Variants in FILIP1 observed in about 807,000 individuals in gnomAD.
FILIP1 encodes the protein filamin A interacting protein 1, also known as filamin-A-interacting protein 1.
FILIP1 carries 61 observed loss-of-function variants against 102.1 expected under a neutral mutation model. The ratio of observed to expected loss-of-function variants is 0.60; its 90% CI spans 0.49 to 0.74. The LOEUF (loss-of-function observed/expected upper bound fraction) is 0.74. Among genes scored for constraint, FILIP1 ranks in the 30% least tolerant of loss-of-function variants. The probability of loss-of-function intolerance (pLI) is 0.00; values close to 1 mark genes in which losing one functional copy is unlikely to be tolerated. For missense variants in FILIP1, 1,314 were observed against 1,441.2 expected (o/e 0.91, Z 1.43); for synonymous variants, 491 against 526.9 (o/e 0.93, Z 0.93).
Position 75,463,888 on chromosome 6 carries a change from G to A in FILIP1, c.-7+29526C>T, listed in dbSNP as rs13220673. On this transcript the variant is annotated intron_variant, in intron 1 of 5. Coordinates refer to ENST00000237172, the MANE Select transcript of FILIP1 (RefSeq NM_015687.5). ...TCTAGTTGAATTGTTCATATTAGGA[G>A]TTAATAGGGGTTAAAAGGAAGGTAG... 5.3e-3 allele frequency among the ~76,000 whole-genome samples: 803 copies of A among 152,258 alleles called. 2 individuals carry two copies. Among genetic ancestry groups the A allele is most frequent in the Middle Eastern group, 0.01 (3 of 294 alleles).
chr6:75,314,180 C>A lies in FILIP1; in HGVS notation c.1652G>T (p.Ser551Ile). The change falls in exon 5 of 6, where the codon AGT (serine) becomes ATT (isoleucine). Residue 551 changes from serine (S) to isoleucine (I), a missense_variant. By Grantham distance (142) the Ser-to-Ile change is moderately radical (BLOSUM62 -2). This residue lies in a region of FILIP1 where 816 missense variants were observed against 913.1 expected (regional missense o/e 0.89). Coordinates refer to ENST00000237172, the MANE Select transcript of FILIP1 (RefSeq NM_015687.5). ...MDVTEKLIEE[S>I]KKLLKLKSEM... is the part of the protein sequence containing the mutation. Reference sequence around the variant, plus strand: ...AGATTTTAGTTTTAAAAGTTTCTTACTTTCTTCAATTAGTTTTTCAGTTAC... The same window carrying A: ...AGATTTTAGTTTTAAAAGTTTCTTAATTTCTTCAATTAGTTTTTCAGTTAC... The A allele has an allele frequency of 6.5e-7, 1 of 1,548,428 alleles. No individual in the cohort carries two copies. The highest frequency in any genetic ancestry group is 1.3e-5 in the South Asian group (1 of 79,528).
Position 75,315,177 on chromosome 6 carries a change from T to C in FILIP1, c.655A>G (p.Lys219Glu). The C allele has an allele frequency of 6.4e-7, 1 of 1,559,782 alleles. No individual in the cohort carries two copies. Among genetic ancestry groups the C allele is most frequent in the South Asian group, 1.2e-5 (1 of 81,728 alleles). Reference sequence around the variant, plus strand: ...TTTTCTTTGCGGGCTTGATAAGCCTTTTCTTGTTCAAGGAGCTTTTTTAAC... The same window carrying C: ...TTTTCTTTGCGGGCTTGATAAGCCTCTTCTTGTTCAAGGAGCTTTTTTAAC... ...ERLKKLLEQE[K>E]AYQARKEKEN... The change falls in exon 5 of 6, where the codon AAG becomes GAG. Residue 219 changes from lysine (K) to glutamate (E), a missense_variant. This residue lies in a region of FILIP1 where 494 missense variants were observed against 511.2 expected (regional missense o/e 0.97). Coordinates refer to ENST00000237172, the MANE Select transcript of FILIP1 (RefSeq NM_015687.5).
intron 6 of FILIP1, among the ~76,000 whole-genome samples, chr6:75,296,337 TTCTTTGTG>T (rs1350508212): frequency 8.4e-6 from 1 of 119,438 alleles, no homozygotes; most frequent in African/African-American, 3.1e-5. Context: ...CCTCTTCAAT[TTCTTTGTG>T]TGTGTGTGTG....
intron 2 of FILIP1, among the ~76,000 whole-genome samples, chr6:75,364,378 C>T (rs1353668348): frequency 6.6e-6 from 1 of 152,120 alleles, no homozygotes; most frequent in Non-Finnish European, 1.5e-5. Context: ...AGCCCTGAGT[C>T]AGAGCACAGC....
intron 6 of FILIP1, among the ~76,000 whole-genome samples, chr6:75,298,998 T>A (rs1194415315): frequency 6.8e-6 from 1 of 147,578 alleles, no homozygotes; most frequent in Non-Finnish European, 1.5e-5. Flanking sequence ...ATGGAGTCCA[T>A]GTTGCCAGCA....
At chr6:75,327,016 A>G (rs1773887023) in intron 4 of FILIP1, among the ~76,000 whole-genome samples, 1 of 151,784 alleles carries the variant, frequency 6.6e-6, no homozygotes, top group Non-Finnish European at 1.5e-5. Flanking sequence ...TCCTGCTGAC[A>G]TCAATCCATT....
intron 1 of FILIP1, among the ~76,000 whole-genome samples, chr6:75,440,363 C>A (rs1408143525): frequency 6.6e-6 from 1 of 152,128 alleles, no homozygotes; most frequent in Non-Finnish European, 1.5e-5. Context: ...CATGGCAAAT[C>A]AATTAGGTTT....
At chr6:75,465,163 C>A in intron 1 of FILIP1, 1 of 177,538 alleles carries the variant, frequency 5.6e-6, no homozygotes, top group Non-Finnish European at 1.2e-5. Context: ...GCAAAAGTCC[C>A]TTACAATTTC....
At chr6:75,443,051 G>A (rs1189165000) in intron 1 of FILIP1, among the ~76,000 whole-genome samples, 1 of 152,166 alleles carries the variant, frequency 6.6e-6, no homozygotes, top group African/African-American at 2.4e-5. Context: ...TTAATTGTTT[G>A]GGGAAATGAT....
intron 2 of FILIP1, among the ~76,000 whole-genome samples, chr6:75,403,916 C>G (rs973411106): frequency 2.6e-5 from 4 of 152,270 alleles, no homozygotes; most frequent in South Asian, 2.1e-4. Context: ...TGCTCATATT[C>G]GTTAGATGAC....
intron 4 of FILIP1, among the ~76,000 whole-genome samples, chr6:75,321,621 C>T (rs1014487757): frequency 3.7e-4 from 57 of 152,244 alleles, no homozygotes; most frequent in Non-Finnish European, 5.9e-4. Flanking sequence ...GGTGAAACCC[C>T]GTCTCTACTA....
chr6:75,400,522 G>A (rs1391000724), intron 2 of FILIP1, among the ~76,000 whole-genome samples: 4 of 152,148 alleles, frequency 2.6e-5, no homozygotes, highest in Admixed American at 6.6e-5. Context: ...GAGGAAAGAA[G>A]AGCATGTATA....
chr6:75,472,567 C>G (rs556911209), intron 1 of FILIP1, among the ~76,000 whole-genome samples: 1 of 152,066 alleles, frequency 6.6e-6, no homozygotes. Context: ...GCCAAACATA[C>G]AAACATTTAT....
chr6:75,435,742 T>A (rs1254233219), intron 1 of FILIP1, among the ~76,000 whole-genome samples: 1 of 152,188 alleles, frequency 6.6e-6, no homozygotes, highest in Non-Finnish European at 1.5e-5. Context: ...GCTGAGTGAC[T>A]TTTCCCGTCA....
intron 2 of FILIP1, among the ~76,000 whole-genome samples, chr6:75,399,589 A>G (rs1419756359): frequency 1.3e-5 from 2 of 152,204 alleles, no homozygotes; most frequent in Non-Finnish European, 2.9e-5. Context: ...TTGGAGATTC[A>G]TGCTGAAACA....
intron 4 of FILIP1, among the ~76,000 whole-genome samples, chr6:75,340,644 T>C (rs2149588102): frequency 6.6e-6 from 1 of 152,284 alleles, no homozygotes; most frequent in African/African-American, 2.4e-5. Context: ...GAAAACTTTT[T>C]GTTTCTGCTT....
intron 2 of FILIP1, among the ~76,000 whole-genome samples, chr6:75,406,692 T>C (rs796820468): frequency 1.3e-4 from 20 of 150,096 alleles, no homozygotes; most frequent in African/African-American, 4.9e-4. Flanking sequence ...CGGAGTCTTG[T>C]TCTGTCACCC....
At chr6:75,434,595 G>A (rs751201830) in intron 1 of FILIP1, among the ~76,000 whole-genome samples, 3 of 152,200 alleles carry the variant, frequency 2.0e-5, no homozygotes, top group Non-Finnish European at 4.4e-5. Flanking sequence ...GGGCTGAGAC[G>A]ATGGGGTTTT....
intron 1 of FILIP1, among the ~76,000 whole-genome samples, chr6:75,441,737 G>A (rs1778249083): frequency 6.7e-6 from 1 of 149,144 alleles, no homozygotes; most frequent in South Asian, 2.1e-4. Flanking sequence ...TCCCGGACGG[G>A]GCGGCTGGCC....
Sources: gnomAD v4.1 joint callset for allele counts (sites outside exome capture counted in the v4.1 genomes callset) on GRCh38, gnomAD v4.1.1 for gene constraint, gnomAD v4.1.1 regional missense constraint, MANE v1.5 for transcripts, NCBI Gene and HGNC (gene_info 2026-07-23, HGNC 2026-07-21) for gene names.